The following DYM variants were observed in gnomAD, a reference collection of about 807,000 sequenced individuals.
The protein encoded by DYM is dyggve-Melchior-Clausen syndrome protein.
A neutral mutation model predicts 93.1 loss-of-function variants in DYM; 78 were observed. The ratio of observed to expected loss-of-function variants is 0.84; its 90% CI spans 0.70 to 1.01. The LOEUF is 1.01. Among genes scored for constraint, DYM ranks in the 50% least tolerant of loss-of-function variants. The pLI, the probability that DYM is intolerant of heterozygous loss-of-function variation, is 0.00. For synonymous variants in DYM, 321 were observed against 319.7 expected, an observed-to-expected ratio of 1.00 and a Z score of -0.04; for missense variants, 789 against 845.0, an observed-to-expected ratio of 0.93 and a Z score of 0.82.
At chr18:49,095,518 T>A (rs1320249691) in intron 17 of DYM, among the ~76,000 whole-genome samples, 2 of 151,988 alleles carry the variant, frequency 1.3e-5, no homozygotes, top group African/African-American at 4.8e-5. Flanking sequence ...TGAAGTGAGT[T>A]GGCAAGCTGA....
chr18:49,200,498 T>C (rs1568588920), intron 14 of DYM, among the ~76,000 whole-genome samples: 2 of 151,858 alleles, frequency 1.3e-5, no homozygotes, highest in Non-Finnish European at 2.9e-5. Context: ...TTATGTCAAA[T>C]GTTTTCCATA....
chr18:49,167,793 T>G (rs1351322989), intron 14 of DYM, among the ~76,000 whole-genome samples: 1 of 152,226 alleles, frequency 6.6e-6, no homozygotes, highest in East Asian at 1.9e-4. Flanking sequence ...TGGGATCTAT[T>G]TGCTAGAATA....
intron 1 of DYM, among the ~76,000 whole-genome samples, chr18:49,433,771 G>A (rs1392847140): frequency 6.6e-6 from 1 of 152,150 alleles, no homozygotes; most frequent in African/African-American, 2.4e-5. Context: ...AGGAGGCTAA[G>A]GCACGAGAAT....
In DYM at chr18:49,038,941, T is replaced by C. The variant is rs1746097912; in HGVS notation, c.*5114A>G. Among the ~76,000 whole-genome samples, 1 of 152,248 alleles carries C rather than the reference T, an allele frequency of 6.6e-6. No individual in the cohort carries two copies. Among genetic ancestry groups the C allele is most frequent in the Admixed American group, 6.5e-5 (1 of 15,294 alleles). On this transcript the variant is annotated 3_prime_UTR_variant, in exon 18 of 18. Transcript: ENST00000675505. ...CATTTTCATACATTTTATTTCTCTA[T>C]ATATTTAAAACTCCATAAGACATAA...
chr18:49,434,173 G>A (rs529855762), intron 1 of DYM, among the ~76,000 whole-genome samples: 5 of 151,908 alleles, frequency 3.3e-5, no homozygotes, highest in Admixed American at 2.0e-4. Flanking sequence ...GTGAAACCCC[G>A]TCTCTACTAA....
At chr18:49,091,155 TCCTC>T (rs2079015903) in intron 17 of DYM, among the ~76,000 whole-genome samples, 1 of 152,072 alleles carries the variant, frequency 6.6e-6, no homozygotes, top group African/African-American at 2.4e-5. Context: ...CTTTCTCATT[TCCTC>T]CCTCCCTCCC....
intron 14 of DYM, among the ~76,000 whole-genome samples, chr18:49,182,282 GA>G (rs1164217535): frequency 6.6e-6 from 1 of 152,156 alleles, no homozygotes; most frequent in Non-Finnish European, 1.5e-5. Context: ...TTATTGGTTG[GA>G]GTGTTCTATA....
At chr18:49,330,192 AG>A (rs2063208351) in intron 8 of DYM, among the ~76,000 whole-genome samples, 1 of 152,246 alleles carries the variant, frequency 6.6e-6, no homozygotes, top group Non-Finnish European at 1.5e-5. Flanking sequence ...AGTTTTATAA[AG>A]ATTTAGGAAG....
At chr18:49,366,337 A>C (rs1682612369) in intron 5 of DYM, among the ~76,000 whole-genome samples, 2 of 152,274 alleles carry the variant, frequency 1.3e-5, no homozygotes, top group South Asian at 4.1e-4. Context: ...CAAGCATTTC[A>C]TACAGTAAAA....
chr18:49,364,456 A>G (rs1731024078), intron 5 of DYM, among the ~76,000 whole-genome samples: 1 of 151,816 alleles, frequency 6.6e-6, no homozygotes, highest in African/African-American at 2.4e-5. Flanking sequence ...AAAAAAAAAA[A>G]GAAAGAAAGA....
At chr18:49,171,627 T>C (rs764945354) in intron 14 of DYM, among the ~76,000 whole-genome samples, 1 of 152,006 alleles carries the variant, frequency 6.6e-6, no homozygotes, top group African/African-American at 2.4e-5. Context: ...GAGTGGGAGC[T>C]ACAAACCAAA....
rs1346537027 is a variant in DYM at position 49,308,937 on chromosome 18, T to A, written c.764-22321A>T. On this transcript the variant is annotated intron_variant, in intron 8 of 17. Coordinates refer to ENST00000675505, the MANE Select transcript of DYM (RefSeq NM_001353214.3). ...GACCAACCATAGGCTGAAGGCTAAA[T>A]AAACTTGGGTAGATCCATATAATAC... Among the ~76,000 whole-genome samples the A allele has an allele frequency of 2.0e-5, 3 of 152,156 alleles. No homozygotes were observed. The South Asian group carries it at 6.2e-4, about 32-fold the overall frequency.
chr18:49,263,407 C>T (rs1328588044), intron 11 of DYM, among the ~76,000 whole-genome samples: 1 of 150,996 alleles, frequency 6.6e-6, no homozygotes, highest in African/African-American at 2.4e-5. Flanking sequence ...GCGTGAGCCA[C>T]CACGCCTGGC....
At chr18:49,094,244 C>T (rs759401943) in intron 17 of DYM, among the ~76,000 whole-genome samples, 10 of 152,170 alleles carry the variant, frequency 6.6e-5, no homozygotes, top group East Asian at 1.9e-4. Context: ...TATGAGAACA[C>T]GCACGGATCT....
intron 17 of DYM, among the ~76,000 whole-genome samples, chr18:49,087,253 G>T (rs11875846): frequency 0.025 from 3,740 of 152,192 alleles, 150 homozygotes; most frequent in African/African-American, 0.084. Context: ...TACTGGGCAA[G>T]ATTTATTTTG....
intron 17 of DYM, among the ~76,000 whole-genome samples, chr18:49,067,448 G>C (rs1568366543): frequency 2.2e-3 from 230 of 105,574 alleles, no homozygotes; most frequent in Middle Eastern, 5.0e-3. Flanking sequence ...AGGGTGATGT[G>C]AGCACTATGG....
rs182474568 is a variant in DYM at position 49,326,235 on chromosome 18, A to T, written c.763+5629T>A. On this transcript the variant is annotated intron_variant, in intron 8 of 17. Transcript: ENST00000675505. ...ATACCAAATTAATTAAAACTGCAAC[A>T]CCCTCTTCTAATTAGTAAAGTAATA... Among the ~76,000 whole-genome samples, 407 of 152,246 alleles carry T rather than the reference A, an allele frequency of 2.7e-3. 1 individual carries two copies. Among genetic ancestry groups the T allele is most frequent in the Non-Finnish European group, 4.6e-3 (313 of 68,016 alleles).
rs747660320 is a variant in DYM at position 49,118,666 on chromosome 18, T to A, written c.1911+78A>T. On this transcript the variant is annotated intron_variant, in intron 16 of 17. Transcript: ENST00000675505. ...AAGAAGAAACTCTTACTATTATAGT[T>A]CTTACCAAGGCTTATTAAACATTCT... 6.7e-6 allele frequency: 9 copies of A among 1,341,028 alleles called. No individual in the cohort carries two copies. In the African/African-American group the frequency reaches 1.3e-4, roughly 19 times the overall value. 83.1% of individuals were successfully genotyped at this position (1,341,028 alleles called of 1,614,324 possible).
intron 2 of DYM, among the ~76,000 whole-genome samples, chr18:49,418,883 C>T (rs1223742338): frequency 6.6e-6 from 1 of 151,606 alleles, no homozygotes; most frequent in East Asian, 1.9e-4. Context: ...AGTGACAGAC[C>T]AAAAGTATAT....
Sources: allele counts gnomAD v4.1 joint callset (sites outside exome capture counted in the v4.1 genomes callset), GRCh38; gene constraint gnomAD v4.1.1; transcripts MANE v1.5; gene names NCBI Gene and HGNC (gene_info 2026-07-23, HGNC 2026-07-21).